The following TNPO1 variants were observed in gnomAD, a reference collection of about 807,000 sequenced individuals.
TNPO1 encodes transportin 1.
In TNPO1, 8 loss-of-function variants were observed where a neutral mutation model predicts 119.5. That is an observed-to-expected ratio of 0.07 (90% CI 0.04 to 0.12). The LOEUF (loss-of-function observed/expected upper bound fraction) is 0.12, where lower values mean the gene tolerates loss of function less well. Among genes scored for constraint, TNPO1 ranks in the 10% least tolerant of loss-of-function variants. TNPO1 has a pLI of 1.00. For missense variants in TNPO1, 576 were observed against 1,089.8 expected (o/e 0.53, Z 6.64); for synonymous variants, 362 against 363.0 (o/e 1.00, Z 0.03).
chr5:72,858,017 G>A (rs145549749), intron 4 of TNPO1, among the ~76,000 whole-genome samples: 2 of 152,274 alleles, frequency 1.3e-5, no homozygotes, highest in East Asian at 1.9e-4. Flanking sequence ...AGTAGAATAC[G>A]AAAGGTCTTT....
intron 6 of TNPO1, among the ~76,000 whole-genome samples, chr5:72,869,457 G>A (rs1032058674): frequency 1.3e-5 from 2 of 152,150 alleles, no homozygotes; most frequent in African/African-American, 4.8e-5. Flanking sequence ...TGAGGCACGA[G>A]AATCACTTGA....
chr5:72,878,318 T>G lies in TNPO1; in HGVS notation c.920+972T>G, dbSNP rs185505770. Among the ~76,000 whole-genome samples, 304 of 152,228 alleles carry G rather than the reference T, an allele frequency of 2.0e-3. 3 individuals carry two copies. Among genetic ancestry groups the G allele is most frequent in the African/African-American group, 7.1e-3 (294 of 41,546 alleles). ...TTTTTCCTCAAAGTATATGAGCATT[T>G]TAATGTTTTTTCACAATATTCCAAA... On this transcript the variant is annotated intron_variant, in intron 9 of 24. Coordinates refer to ENST00000337273, the MANE Select transcript of TNPO1 (RefSeq NM_002270.4).
At chr5:72,869,524 G>C (rs1167436717) in intron 6 of TNPO1, among the ~76,000 whole-genome samples, 1 of 152,146 alleles carries the variant, frequency 6.6e-6, no homozygotes, top group Non-Finnish European at 1.5e-5. Flanking sequence ...TCCCTCCTGG[G>C]TGACAGAGTG....
intron 1 of TNPO1, among the ~76,000 whole-genome samples, chr5:72,837,710 G>T (rs1031563573): frequency 1.3e-5 from 2 of 152,192 alleles, no homozygotes; most frequent in South Asian, 2.1e-4. Flanking sequence ...GACAATTTTA[G>T]TTGGGAGTGT....
At position 72,855,727 on chromosome 5, in the gene TNPO1, AAATT is replaced by A. The variant is rs143226823; in HGVS notation, c.206-44_206-41del. ...TTTTAAAACTTATCGGCACATTTTG[AAATT>A]AAGACTACTTCAAAACTCATTACTA... is the stretch of plus-strand genomic sequence containing the variant. On this transcript the variant is annotated intron_variant, in intron 3 of 24. Transcript: ENST00000337273. The A allele has an allele frequency of 1.7e-5, 25 of 1,485,804 alleles. No individual in the cohort carries two copies. In the African/African-American group the frequency reaches 3.3e-4, roughly 19 times the overall value. 92.0% of individuals were successfully genotyped at this position (1,485,804 alleles called of 1,614,324 possible).
chr5:72,859,513 G>C (rs1746266707), intron 4 of TNPO1, among the ~76,000 whole-genome samples: 1 of 152,132 alleles, frequency 6.6e-6, no homozygotes, highest in Non-Finnish European at 1.5e-5. Context: ...TATAAAAATA[G>C]ACTAGCAGCT....
At position 72,912,510 on chromosome 5, in the gene TNPO1, C is replaced by G. The variant is rs1277083691; in HGVS notation, c.*3837C>G. 6.6e-6 allele frequency: 1 copy of G among 152,406 alleles called. No homozygotes were observed. The highest frequency in any genetic ancestry group is 1.5e-5 in the Non-Finnish European group (1 of 67,898). 9.4% of individuals were successfully genotyped at this position (152,406 alleles called of 1,614,324 possible). On this transcript the variant is annotated 3_prime_UTR_variant, in exon 25 of 25. Coordinates refer to ENST00000337273, the MANE Select transcript of TNPO1 (RefSeq NM_002270.4). ...TGGTGACATGCTTATAAAGGGTCATCCTAGTTACATTCTTTGTTTTTTAAG... is the reference window on the plus strand; with the variant it reads ...TGGTGACATGCTTATAAAGGGTCATGCTAGTTACATTCTTTGTTTTTTAAG...
At chr5:72,894,453 C>T (rs1166781375) in intron 18 of TNPO1, among the ~76,000 whole-genome samples, 7 of 152,176 alleles carry the variant, frequency 4.6e-5, no homozygotes, top group African/African-American at 9.7e-5. Context: ...GGGCAGGTCA[C>T]GAAGTCAGGA....
At chr5:72,858,190 TAAAA>T (rs1377869566) in intron 4 of TNPO1, among the ~76,000 whole-genome samples, 1 of 152,084 alleles carries the variant, frequency 6.6e-6, no homozygotes. Context: ...TAGGATTTGA[TAAAA>T]AAGCAATTAG....
At chr5:72,826,613 T>A (rs538586464) in intron 1 of TNPO1, among the ~76,000 whole-genome samples, 1 of 152,334 alleles carries the variant, frequency 6.6e-6, no homozygotes, top group South Asian at 2.1e-4. Context: ...TTGTTCGTGA[T>A]GGTGCAAAAT....
intron 4 of TNPO1, among the ~76,000 whole-genome samples, chr5:72,858,876 GTTGTT>G: frequency 6.7e-6 from 1 of 149,012 alleles, no homozygotes; most frequent in East Asian, 1.9e-4. Flanking sequence ...TAGTTTTGTT[GTTGTT>G]TTGTTTGTTT....
chr5:72,850,682 G>A (rs1394711003), intron 2 of TNPO1, among the ~76,000 whole-genome samples: 1 of 152,130 alleles, frequency 6.6e-6, no homozygotes, highest in Non-Finnish European at 1.5e-5. Context: ...ATGAGGGGAA[G>A]AATTGTACAG....
intron 1 of TNPO1, among the ~76,000 whole-genome samples, chr5:72,847,598 A>G (rs565408413): frequency 6.6e-6 from 1 of 152,348 alleles, no homozygotes; most frequent in South Asian, 2.1e-4. Flanking sequence ...AAATTACATC[A>G]TTTTTATTGT....
chr5:72,885,320 A>G (rs1302688323), intron 11 of TNPO1, among the ~76,000 whole-genome samples: 1 of 152,196 alleles, frequency 6.6e-6, no homozygotes, highest in African/African-American at 2.4e-5. Flanking sequence ...TACTATTACA[A>G]ATTACTTCCC....
chr5:72,892,039 C>T (rs1028434675), intron 15 of TNPO1, 143 bp downstream of exon 15: 3 of 603,818 alleles, frequency 5.0e-6, no homozygotes, highest in Non-Finnish European at 8.5e-6. Flanking sequence ...GTTCTCTAAC[C>T]TGCTTTACTT....
rs1363225142 is a variant in TNPO1, at chr5:72,912,130, AAAT to A, written c.*3461_*3463del. 61 of 152,512 alleles carry A rather than the reference AAAT, an allele frequency of 4.0e-4. No homozygotes were observed. Among genetic ancestry groups the A allele is most frequent in the African/African-American group, 1.4e-3 (58 of 41,448 alleles). 9.4% of individuals were successfully genotyped at this position (152,512 alleles called of 1,614,324 possible). On this transcript the variant is annotated 3_prime_UTR_variant, in exon 25 of 25. Transcript: ENST00000337273. ...GTTATTTCCCAAATAATCAACATGT[AAAT>A]AATCTTTTAAGAGCCAGTTCTGATG...
In TNPO1 at chr5:72,900,989, A is replaced by C; in HGVS notation, c.2430A>C (p.Arg810Ser). The change falls in exon 22 of 25, where the codon AGA (arginine) becomes AGC (serine). Residue 810 changes from arginine to serine, a missense_variant. By Grantham distance (110) the Arg-to-Ser change is moderately radical (BLOSUM62 -1). Coordinates refer to ENST00000337273, the MANE Select transcript of TNPO1 (RefSeq NM_002270.4). Reference sequence around the variant, plus strand: ...AATTCAATAGGTGCACCTCTCTGAGAAACATAAGAGACAATGAGGAAAAGG... The same window carrying C: ...AATTCAATAGGTGCACCTCTCTGAGCAACATAAGAGACAATGAGGAAAAGG... ...QFIRPWCTSL[R>S]NIRDNEEKDS... is the part of the protein sequence containing the mutation. 1 of 1,609,602 alleles carries C rather than the reference A, an allele frequency of 6.2e-7. No homozygotes were observed. Among genetic ancestry groups the C allele is most frequent in the Non-Finnish European group, 8.5e-7 (1 of 1,178,434 alleles).
chr5:72,872,032 CTGAA>C (rs1180303220), intron 6 of TNPO1: 13 of 152,256 alleles, frequency 8.5e-5, no homozygotes, highest in African/African-American at 2.4e-4. Flanking sequence ...TTGCAGCAAT[CTGAA>C]TGAGAGTATA....
At chr5:72,899,708 G>A (rs1749680910) in intron 20 of TNPO1, among the ~76,000 whole-genome samples, 1 of 152,012 alleles carries the variant, frequency 6.6e-6, no homozygotes, top group Admixed American at 6.6e-5. Context: ...CTTGACACTC[G>A]ATTGAGCGAG....
Sources: gnomAD v4.1 joint callset for allele counts (sites outside exome capture counted in the v4.1 genomes callset) on GRCh38, gnomAD v4.1.1 for gene constraint, MANE v1.5 for transcripts, NCBI Gene and HGNC (gene_info 2026-07-23, HGNC 2026-07-21) for gene names.